Variants in MCPH1 observed in about 807,000 individuals in gnomAD.
MCPH1 encodes the protein microcephalin 1.
MCPH1 carries 104 observed loss-of-function variants against 84.5 expected under a neutral mutation model. The ratio of observed to expected loss-of-function variants is 1.23; its 90% CI spans 1.05 to 1.45. The LOEUF (loss-of-function observed/expected upper bound fraction) is 1.45, where lower values mean the gene tolerates loss of function less well. Ranked by LOEUF, MCPH1 falls within the 40% of genes most tolerant of loss-of-function variation. MCPH1 has a pLI of 0.00. For synonymous variants in MCPH1, 514 were observed against 366.8 expected (o/e 1.40, Z -4.58); for missense variants, 1,498 against 1,005.7 (o/e 1.49, Z -6.62).
At chr8:6,409,016 C>T (rs1465389196) in intron 1 of MCPH1, among the ~76,000 whole-genome samples, 6 of 152,054 alleles carry the variant, frequency 3.9e-5, no homozygotes, top group Non-Finnish European at 7.3e-5. Flanking sequence ...CTCCCAGTAG[C>T]TGGGATTACA....
At chr8:6,531,947 T>C (rs1463384292) in intron 12 of MCPH1, among the ~76,000 whole-genome samples, 1 of 152,188 alleles carries the variant, frequency 6.6e-6, no homozygotes, top group Non-Finnish European at 1.5e-5. Flanking sequence ...TTTCTAGCTC[T>C]TTGCCTCAGT....
intron 12 of MCPH1, among the ~76,000 whole-genome samples, chr8:6,610,043 T>C (rs2129579182): frequency 6.6e-6 from 1 of 152,310 alleles, no homozygotes; most frequent in South Asian, 2.1e-4. Context: ...CAACACATGG[T>C]TTTGCCTGAG....
chr8:6,566,555 C>T (rs1209548204), intron 12 of MCPH1, among the ~76,000 whole-genome samples: 1 of 152,176 alleles, frequency 6.6e-6, no homozygotes, highest in Admixed American at 6.5e-5. Flanking sequence ...ATTAACAGGG[C>T]ACACAGCACG....
chr8:6,448,690 T>C (rs547403789), intron 8 of MCPH1, among the ~76,000 whole-genome samples: 6 of 152,332 alleles, frequency 3.9e-5, no homozygotes, highest in Admixed American at 1.3e-4. Flanking sequence ...TTTGCATGCA[T>C]AGAATTATAT....
At chr8:6,564,021 G>A (rs1056619286) in intron 12 of MCPH1, among the ~76,000 whole-genome samples, 8 of 129,896 alleles carry the variant, frequency 6.2e-5, no homozygotes, top group African/African-American at 2.1e-4. Context: ...TCGCTCTGTC[G>A]ACCAGGCTAG....
At chr8:6,567,821 C>G (rs1413811114) in intron 12 of MCPH1, among the ~76,000 whole-genome samples, 1 of 152,276 alleles carries the variant, frequency 6.6e-6, no homozygotes, top group South Asian at 2.1e-4. Context: ...GGTGTTCCTC[C>G]CTGCTGTACT....
intron 12 of MCPH1, among the ~76,000 whole-genome samples, chr8:6,540,328 A>C (rs374734820): frequency 3.8e-4 from 58 of 152,322 alleles, no homozygotes; most frequent in African/African-American, 1.2e-3. Flanking sequence ...TCTACTGATA[A>C]AGTGGCTATT....
At chr8:6,417,917 T>C (rs1312377269) in intron 3 of MCPH1, among the ~76,000 whole-genome samples, 1 of 152,248 alleles carries the variant, frequency 6.6e-6, no homozygotes, top group Admixed American at 6.5e-5. Context: ...TCTTTTCTAT[T>C]GTCGCAAAGA....
intron 12 of MCPH1, among the ~76,000 whole-genome samples, chr8:6,544,526 T>G (rs1822190813): frequency 6.6e-6 from 1 of 152,206 alleles, no homozygotes; most frequent in African/African-American, 2.4e-5. Context: ...TAGGGATGTT[T>G]CCAAGTCATT....
chr8:6,455,347 T>C, intron 9 of MCPH1, 95 bp downstream of exon 9: 4 of 894,468 alleles, frequency 4.5e-6, no homozygotes, highest in Non-Finnish European at 5.4e-6. Context: ...TCTATCTGAC[T>C]TGTCTTTTAT....
At chr8:6,450,095 C>T (rs115576017) in intron 8 of MCPH1, among the ~76,000 whole-genome samples, 13 of 152,242 alleles carry the variant, frequency 8.5e-5, no homozygotes, top group East Asian at 3.9e-4. Context: ...CTTGTACATA[C>T]GTGTTGTGAG....
chr8:6,626,733 T>C, intron 13 of MCPH1: 1 of 985,250 alleles, frequency 1.0e-6, no homozygotes. Context: ...TTGGCTGGGG[T>C]GAGGATCACA....
intron 12 of MCPH1, among the ~76,000 whole-genome samples, chr8:6,519,503 T>C (rs1370195764): frequency 1.3e-5 from 2 of 152,244 alleles, no homozygotes; most frequent in Non-Finnish European, 2.9e-5. Flanking sequence ...TGATGCACTA[T>C]GGTTGTTCAA....
intron 11 of MCPH1, among the ~76,000 whole-genome samples, chr8:6,498,065 T>G (rs917699728): frequency 5.9e-5 from 9 of 152,230 alleles, no homozygotes; most frequent in Admixed American, 1.3e-4. Context: ...TAAAGCAGTT[T>G]CTATTCACAG....
intron 12 of MCPH1, chr8:6,563,275 A>G (rs1488745243): frequency 5.5e-6 from 1 of 182,396 alleles, no homozygotes; most frequent in African/African-American, 2.3e-5. Flanking sequence ...CTTTCCTTAT[A>G]TGATAAGTTG....
chr8:6,435,702 A>T (rs1394948145), intron 4 of MCPH1, among the ~76,000 whole-genome samples: 2 of 152,184 alleles, frequency 1.3e-5, no homozygotes, highest in Non-Finnish European at 2.9e-5. Context: ...CACCATTTTG[A>T]TACACAAAGT....
intron 6 of MCPH1, among the ~76,000 whole-genome samples, chr8:6,440,998 G>C (rs145990650): frequency 1.1e-3 from 166 of 152,296 alleles, no homozygotes; most frequent in African/African-American, 3.3e-3. Flanking sequence ...TGCAAAATGT[G>C]TGTGCCTCCC....
chr8:6,496,608 A>G lies in MCPH1; in HGVS notation c.2137-3244A>G, dbSNP rs1280764996. Among the ~76,000 whole-genome samples the G allele has an allele frequency of 5.3e-5, 8 of 150,460 alleles. No individual in the cohort carries two copies. In the South Asian group the frequency reaches 6.3e-4, roughly 12 times the overall value. On this transcript the variant is annotated intron_variant, in intron 11 of 13. Transcript: ENST00000344683. ...CACAACTGCAGTTGAATTTCACAGT[A>G]TGGTGGGTGGTAAGCTATGGTGGGC...
intron 12 of MCPH1, among the ~76,000 whole-genome samples, chr8:6,545,086 G>T (rs1024544769): frequency 1.3e-5 from 2 of 152,102 alleles, no homozygotes; most frequent in Non-Finnish European, 2.9e-5. Flanking sequence ...CACACCCTAG[G>T]AGTGCTTACT....
Sources: gnomAD v4.1 joint callset for allele counts (sites outside exome capture counted in the v4.1 genomes callset) on GRCh38, gnomAD v4.1.1 for gene constraint, MANE v1.5 for transcripts, NCBI Gene and HGNC (gene_info 2026-07-23, HGNC 2026-07-21) for gene names.